Variants in CPEB1 observed in about 807,000 individuals in gnomAD.
The protein encoded by CPEB1 is cytoplasmic polyadenylation element binding protein 1.
Under a neutral mutation model 65.8 loss-of-function variants are expected in CPEB1, and 7 were observed. The ratio of observed to expected loss-of-function variants is 0.11; its 90% confidence interval spans 0.06 to 0.20. CPEB1 has a LOEUF of 0.20. Ranked by LOEUF, CPEB1 falls within the 10% of genes least tolerant of loss-of-function variation. The probability of loss-of-function intolerance (pLI) is 1.00; values close to 1 mark genes in which losing one functional copy is unlikely to be tolerated. For missense variants in CPEB1, 551 were observed against 712.2 expected (o/e 0.77, Z 2.58); for synonymous variants, 262 against 260.0 (o/e 1.01, Z -0.08).
intron 5 of CPEB1, 49 bp from the exon 6 acceptor site, chr15:82,556,171 A>G (rs759067009): frequency 2.0e-6 from 3 of 1,529,796 alleles, no homozygotes; most frequent in Admixed American, 4.9e-5. Context: ...GTTTTGTTAT[A>G]AAGTAATAAT....
intron 3 of CPEB1, among the ~76,000 whole-genome samples, chr15:82,578,183 T>C (rs2040875198): frequency 6.6e-6 from 1 of 152,182 alleles, no homozygotes; most frequent in Non-Finnish European, 1.5e-5. Context: ...TAAAGCATTA[T>C]TGGTATAGTT....
At chr15:82,588,669 G>A (rs986097243) in intron 3 of CPEB1, among the ~76,000 whole-genome samples, 1 of 152,140 alleles carries the variant, frequency 6.6e-6, no homozygotes, top group Non-Finnish European at 1.5e-5. Context: ...ACTTGGGCAA[G>A]CATACTTGTT....
At chr15:82,584,677 CAAAAA>C (rs11320676) in intron 3 of CPEB1, among the ~76,000 whole-genome samples, 2 of 83,704 alleles carry the variant, frequency 2.4e-5, no homozygotes, top group Non-Finnish European at 2.6e-5. Flanking sequence ...GAGACTCCAT[CAAAAA>C]AAAAAAAAAA....
intron 3 of CPEB1, among the ~76,000 whole-genome samples, chr15:82,589,561 T>C (rs1388343587): frequency 6.6e-6 from 1 of 152,064 alleles, no homozygotes; most frequent in African/African-American, 2.4e-5. Flanking sequence ...CCGGCCAACA[T>C]GGTGAAACCC....
intron 3 of CPEB1, among the ~76,000 whole-genome samples, chr15:82,586,776 G>A (rs989080038): frequency 6.6e-6 from 1 of 152,256 alleles, no homozygotes; most frequent in East Asian, 1.9e-4. Context: ...TATACTTAGC[G>A]ACATGGAATT....
intron 4 of CPEB1, chr15:82,562,292 A>AC (rs2038365042): frequency 1.1e-5 from 5 of 439,582 alleles, no homozygotes; most frequent in South Asian, 8.2e-5. Context: ...CTGCTTTAGG[A>AC]CCTAGAGTAT....
intron 3 of CPEB1, among the ~76,000 whole-genome samples, chr15:82,576,887 G>C (rs1039282759): frequency 6.6e-6 from 1 of 152,080 alleles, no homozygotes; most frequent in Non-Finnish European, 1.5e-5. Context: ...AGCCGGGCAT[G>C]GTGGGTGCAC....
intron 3 of CPEB1, among the ~76,000 whole-genome samples, chr15:82,609,615 C>T (rs1397693612): frequency 6.7e-6 from 1 of 149,952 alleles, no homozygotes; most frequent in Non-Finnish European, 1.5e-5. Flanking sequence ...AGATTAAAGT[C>T]GAAATAATGT....
chr15:82,630,919 T>G (rs1321076181), intron 1 of CPEB1, among the ~76,000 whole-genome samples: 1 of 152,122 alleles, frequency 6.6e-6, no homozygotes, highest in Non-Finnish European at 1.5e-5. Flanking sequence ...AAAATTAACC[T>G]AGCTTTTAAT....
At chr15:82,622,723 A>G (rs1033997511) in intron 3 of CPEB1, among the ~76,000 whole-genome samples, 6 of 152,092 alleles carry the variant, frequency 3.9e-5, no homozygotes, top group African/African-American at 1.4e-4. Flanking sequence ...ATTTCTATTC[A>G]GTCAGGGATA....
intron 4 of CPEB1, among the ~76,000 whole-genome samples, chr15:82,568,342 A>G (rs2039478779): frequency 6.6e-6 from 1 of 152,132 alleles, no homozygotes; most frequent in African/African-American, 2.4e-5. Flanking sequence ...AGATCTTAAG[A>G]CATTGCAAGC....
intron 3 of CPEB1, 136 bp from the exon 4 acceptor site, chr15:82,571,668 C>T (rs959124391): frequency 1.6e-5 from 23 of 1,447,224 alleles, no homozygotes; most frequent in Admixed American, 5.6e-5. Context: ...ATGCTGCAGC[C>T]GCTGCCTCTG....
intron 3 of CPEB1, among the ~76,000 whole-genome samples, chr15:82,609,721 A>C (rs1425240867): frequency 6.6e-6 from 1 of 152,074 alleles, no homozygotes; most frequent in Non-Finnish European, 1.5e-5. Context: ...AGAAGAAATG[A>C]AAGTGGGTAC....
At chr15:82,600,654 T>C (rs1030718275) in intron 3 of CPEB1, among the ~76,000 whole-genome samples, 8 of 152,148 alleles carry the variant, frequency 5.3e-5, no homozygotes, top group Non-Finnish European at 8.8e-5. Flanking sequence ...TCTTAGACGC[T>C]AGTAAGTCAA....
chr15:82,565,881 G>A (rs780363616), intron 4 of CPEB1, among the ~76,000 whole-genome samples: 6 of 152,132 alleles, frequency 3.9e-5, no homozygotes, highest in Admixed American at 6.5e-5. Flanking sequence ...TAGAACAGAC[G>A]TACCCATCCC....
chr15:82,546,408 A>T (rs1396187807), intron 12 of CPEB1, 33 bp downstream of exon 12: 1 of 1,573,010 alleles, frequency 6.4e-7, no homozygotes, highest in Non-Finnish European at 8.7e-7. Flanking sequence ...AATTTTTAAT[A>T]GAGGGCAGGG....
chr15:82,586,478 T>A (rs781484282), intron 3 of CPEB1, among the ~76,000 whole-genome samples: 2 of 152,242 alleles, frequency 1.3e-5, no homozygotes, highest in African/African-American at 4.8e-5. Context: ...CCTCTAGTTT[T>A]AAATGTTATT....
At chr15:82,555,726 G>A (rs751164344) in intron 6 of CPEB1, 144 bp downstream of exon 6, 53 of 849,072 alleles carry the variant, frequency 6.2e-5, no homozygotes, top group Non-Finnish European at 9.3e-5. Context: ...TTACTCCACA[G>A]AAAGATAATT....
chr15:82,596,591 G>A (rs1044224723), intron 3 of CPEB1, among the ~76,000 whole-genome samples: 12 of 151,290 alleles, frequency 7.9e-5, no homozygotes, highest in Admixed American at 5.9e-4. Context: ...CCAGCTACTC[G>A]GGAGGCTGAG....
Sources: gnomAD v4.1 joint callset for allele counts (sites outside exome capture counted in the v4.1 genomes callset) on GRCh38, gnomAD v4.1.1 for gene constraint, MANE v1.5 for transcripts, NCBI Gene and HGNC (gene_info 2026-07-23, HGNC 2026-07-21) for gene names.